CDK6: variants seen among roughly 807,000 people sequenced by gnomAD.
CDK6 encodes cyclin dependent kinase 6, also known as cyclin-dependent kinase 6.
A neutral mutation model predicts 37.1 loss-of-function variants in CDK6; 6 were observed. That is an observed-to-expected ratio of 0.16 (90% CI 0.09 to 0.32). The LOEUF is 0.32. CDK6 is among the 10% of genes least tolerant of loss of function. The pLI, the probability that CDK6 is intolerant of heterozygous loss-of-function variation, is 1.00. For missense variants in CDK6, 224 were observed against 418.9 expected (o/e 0.53, Z 4.06); for synonymous variants, 160 against 161.3 (o/e 0.99, Z 0.06).
At chr7:92,711,199 G>A (rs993974915) in intron 4 of CDK6, among the ~76,000 whole-genome samples, 18 of 152,058 alleles carry the variant, frequency 1.2e-4, no homozygotes, top group Non-Finnish European at 1.5e-5. Flanking sequence ...CAAAAAATGA[G>A]AAACCACCCA....
chr7:92,654,089 AGATT>A (rs1796636196), intron 5 of CDK6, among the ~76,000 whole-genome samples: 1 of 152,056 alleles, frequency 6.6e-6, no homozygotes, highest in South Asian at 2.1e-4. Flanking sequence ...GCTTCCTATC[AGATT>A]TTAACTGTGC....
intron 3 of CDK6, among the ~76,000 whole-genome samples, chr7:92,755,113 C>T (rs927139565): frequency 2.6e-5 from 4 of 152,080 alleles, no homozygotes; most frequent in Non-Finnish European, 5.9e-5. Context: ...ATCAGCAGAG[C>T]GTGGGATAAT....
chr7:92,644,498 C>T (rs549022000), intron 5 of CDK6, among the ~76,000 whole-genome samples: 6 of 152,160 alleles, frequency 3.9e-5, no homozygotes, highest in Admixed American at 6.5e-5. Flanking sequence ...CTATTTTTCC[C>T]TCCATCACAA....
chr7:92,637,381 A>G (rs1796197868), intron 5 of CDK6, among the ~76,000 whole-genome samples: 1 of 152,192 alleles, frequency 6.6e-6, no homozygotes, highest in Non-Finnish European at 1.5e-5. Flanking sequence ...TTTCCTTGAA[A>G]ATGAAATTCA....
In CDK6 at chr7:92,615,189, T is replaced by A. The variant is rs557917803; in HGVS notation, c.932A>T (p.Asp311Val). ...GTTCTGGCTGGGCGGCAGGTGGGAA[T>A]CCAGGTTTTCTTTGCACCTTTCCAG... is the stretch of plus-strand genomic sequence containing the variant. The part of the protein sequence containing the change: ...QDLERCKENL[D>V]SHLPPSQNTS... The change falls in exon 8 of 8, where the codon GAT (aspartate) becomes GTT (valine). Residue 311 changes from aspartate to valine, a missense_variant. By Grantham distance (152) the Asp-to-Val change is radical (BLOSUM62 -3). This residue lies in a region of CDK6 where 90 missense variants were observed against 136.2 expected (regional missense o/e 0.66). Transcript: ENST00000424848. 6.2e-7 allele frequency: 1 copy of A among 1,614,096 alleles called. No individual in the cohort carries two copies. Among genetic ancestry groups the A allele is most frequent in the Non-Finnish European group, 8.5e-7 (1 of 1,180,022 alleles).
chr7:92,609,036 A>G lies in CDK6; in HGVS notation c.*6104T>C, dbSNP rs1795501660. On this transcript the variant is annotated 3_prime_UTR_variant, in exon 8 of 8. Transcript: ENST00000424848. ...ACTGGACTCTAGTTCCTGGGAGCAG[A>G]GGGGCGAATGAGGCGGGGGATTTCT... The G allele has an allele frequency of 4.3e-6, 1 of 233,442 alleles. No individual in the cohort carries two copies. The highest frequency in any genetic ancestry group is 6.0e-5 in the East Asian group (1 of 16,586). The allele number at this position is 233,442 out of a possible 1,614,324, so 14.5% of individuals were successfully genotyped here.
intron 4 of CDK6, among the ~76,000 whole-genome samples, chr7:92,705,119 G>A (rs796254909): frequency 5.9e-5 from 9 of 152,178 alleles, no homozygotes; most frequent in South Asian, 2.1e-4. Flanking sequence ...CTATGTACTC[G>A]ACATTCTTTC....
intron 2 of CDK6, among the ~76,000 whole-genome samples, chr7:92,831,556 A>G (rs1462151530): frequency 6.6e-6 from 1 of 152,194 alleles, no homozygotes; most frequent in Non-Finnish European, 1.5e-5. Context: ...AATATCACAA[A>G]GAGCCCCAAA....
chr7:92,790,630 T>C (rs1800257317), intron 2 of CDK6, among the ~76,000 whole-genome samples: 1 of 152,192 alleles, frequency 6.6e-6, no homozygotes. Flanking sequence ...CTGAGGTATG[T>C]ATGTCTGCGG....
At chr7:92,718,753 C>A (rs1798295922) in intron 4 of CDK6, among the ~76,000 whole-genome samples, 1 of 152,192 alleles carries the variant, frequency 6.6e-6, no homozygotes, top group Non-Finnish European at 1.5e-5. Context: ...TAGGCAGGTT[C>A]TTGAGCCTTA....
intron 1 of CDK6, 72 bp downstream of exon 1, chr7:92,836,406 C>G (rs1358374550): frequency 6.6e-6 from 1 of 150,652 alleles, no homozygotes; most frequent in African/African-American, 2.4e-5. Flanking sequence ...CCTCGGACCC[C>G]GGCCAATCCC....
chr7:92,666,031 G>A (rs1183140695), intron 5 of CDK6, among the ~76,000 whole-genome samples: 4 of 152,214 alleles, frequency 2.6e-5, no homozygotes, highest in African/African-American at 4.8e-5. Context: ...CAAGGCATGG[G>A]CCTGTCACAT....
chr7:92,813,616 G>C (rs1800945305), intron 2 of CDK6, among the ~76,000 whole-genome samples: 1 of 152,214 alleles, frequency 6.6e-6, no homozygotes, highest in South Asian at 2.1e-4. Flanking sequence ...TTACAGTACA[G>C]AGCTAGCTGC....
At chr7:92,694,007 G>A (rs1349264051) in intron 4 of CDK6, among the ~76,000 whole-genome samples, 1 of 152,162 alleles carries the variant, frequency 6.6e-6, no homozygotes, top group Non-Finnish European at 1.5e-5. Context: ...TCTACTTGCT[G>A]AAGATGATCT....
At chr7:92,789,934 C>T (rs150128578) in intron 2 of CDK6, among the ~76,000 whole-genome samples, 1 of 152,134 alleles carries the variant, frequency 6.6e-6, no homozygotes, top group Admixed American at 6.6e-5. Context: ...ATATCAAGAT[C>T]TCCTGGACCT....
chr7:92,633,039 A>T (rs1330549588), intron 5 of CDK6, among the ~76,000 whole-genome samples: 1 of 151,316 alleles, frequency 6.6e-6, no homozygotes, highest in East Asian at 1.9e-4. Context: ...GTACAGGGTG[A>T]CAAGAAAGTG....
chr7:92,774,584 T>C (rs1479107868), intron 3 of CDK6, 112 bp downstream of exon 3: 23 of 910,324 alleles, frequency 2.5e-5, no homozygotes, highest in Admixed American at 5.8e-5. Context: ...TTTAACTATA[T>C]ACCGAATTCT....
At chr7:92,690,548 A>G (rs1242811284) in intron 4 of CDK6, among the ~76,000 whole-genome samples, 1 of 152,182 alleles carries the variant, frequency 6.6e-6, no homozygotes, top group Admixed American at 6.5e-5. Context: ...GAAGTTGGGT[A>G]GCATGATGCC....
At chr7:92,775,065 A>T (rs879764084) in intron 2 of CDK6, among the ~76,000 whole-genome samples, 9 of 152,224 alleles carry the variant, frequency 5.9e-5, no homozygotes, top group Non-Finnish European at 1.2e-4. Context: ...CTATAGTAAC[A>T]ATGAGAAAGC....
Sources: allele counts gnomAD v4.1 joint callset (sites outside exome capture counted in the v4.1 genomes callset), GRCh38; gene constraint gnomAD v4.1.1; regional missense constraint gnomAD v4.1.1; transcripts MANE v1.5; gene names NCBI Gene and HGNC (gene_info 2026-07-23, HGNC 2026-07-21).